The following PLEKHM2 variants were observed in gnomAD, a reference collection of about 807,000 sequenced individuals.
The protein encoded by PLEKHM2 is pleckstrin homology and RUN domain containing M2.
Under a neutral mutation model 116.3 loss-of-function variants are expected in PLEKHM2, and 77 were observed. That is an observed-to-expected ratio of 0.66 (90% CI 0.55 to 0.80). The LOEUF is 0.80. Ranked by LOEUF, PLEKHM2 falls within the 30% of genes least tolerant of loss-of-function variation. The probability of loss-of-function intolerance (pLI) is 0.00; values close to 1 mark genes in which losing one functional copy is unlikely to be tolerated. For missense variants in PLEKHM2, 1,183 were observed against 1,354.9 expected (o/e 0.87, Z 1.99); for synonymous variants, 562 against 571.0 (o/e 0.98, Z 0.22).
chr1:15,723,904 A>G (rs1571060373), intron 7 of PLEKHM2, among the ~76,000 whole-genome samples: 1 of 152,336 alleles, frequency 6.6e-6, no homozygotes, highest in South Asian at 2.1e-4. Flanking sequence ...GGCCAGCAAG[A>G]TGAGCATTGG....
At chr1:15,697,672 T>G (rs958776531) in intron 1 of PLEKHM2, among the ~76,000 whole-genome samples, 2 of 152,238 alleles carry the variant, frequency 1.3e-5, no homozygotes, top group African/African-American at 4.8e-5. Flanking sequence ...TGCATGTCTT[T>G]CTTTTTCTTG....
chr1:15,698,549 C>CTTTTTTTTTTT (rs564918055), intron 1 of PLEKHM2, among the ~76,000 whole-genome samples: 3 of 111,222 alleles, frequency 2.7e-5, no homozygotes, highest in South Asian at 2.7e-4. Context: ...TTCTTTCTTT[C>CTTTTTTTTTTT]TTTTTTTTTT....
intron 1 of PLEKHM2, among the ~76,000 whole-genome samples, chr1:15,714,264 A>G (rs1367114469): frequency 6.7e-6 from 1 of 150,088 alleles, no homozygotes; most frequent in East Asian, 2.0e-4. Context: ...TAATTAGAAC[A>G]TTGCACTAGA....
In PLEKHM2 at chr1:15,721,043, A is replaced by G; in HGVS notation, c.653-286A>G. 5.1e-6 allele frequency: 2 copies of G among 391,674 alleles called. No individual in the cohort carries two copies. The highest frequency in any genetic ancestry group is 9.1e-6 in the Non-Finnish European group (2 of 219,022). The allele number at this position is 391,674 out of a possible 1,614,324, so 24.3% of individuals were successfully genotyped here. A position where few individuals can be genotyped will look rare whatever the true frequency, so the allele number is the denominator to read the frequency against. On this transcript the variant is annotated intron_variant, in intron 6 of 19. Transcript: ENST00000375799. The surrounding 1 kb of genome is among the most constrained non-coding windows in gnomAD (Gnocchi z 5.1). The stretch of plus-strand genomic sequence containing the variant: ...TAAGAGGTAGAAAACAAAGCTAGGC[A>G]CAGGCAGCCAGGCTTCTCTCTGCCA...
intron 4 of PLEKHM2, 123 bp downstream of exon 4, chr1:15,718,115 C>A: frequency 2.9e-6 from 2 of 683,340 alleles, no homozygotes; most frequent in African/African-American, 1.8e-5. Flanking sequence ...GCCATTAGAA[C>A]CTTGCCAGTA....
chr1:15,708,228 TC>T (rs1316606436), intron 1 of PLEKHM2, among the ~76,000 whole-genome samples: 1 of 149,574 alleles, frequency 6.7e-6, no homozygotes, highest in Non-Finnish European at 1.5e-5. Context: ...TTTTCTTTTT[TC>T]TTTTTTTTTA....
rs1287169212 is a variant in PLEKHM2, at chr1:15,721,877, T to A, written c.712+489T>A. 6.6e-6 allele frequency among the ~76,000 whole-genome samples: 1 copy of A among 152,252 alleles called. No homozygotes were observed. The highest frequency in any genetic ancestry group is 2.4e-5 in the African/African-American group (1 of 41,458). On this transcript the variant is annotated intron_variant, in intron 7 of 19. Transcript: ENST00000375799. This position sits in a 1 kb window ranked among gnomAD's most constrained non-coding sequence, Gnocchi z 5.1. ...GTGGTTGAGGTCCAAGTCAGGAAAC[T>A]GCCCAGGTACAGCTGAAACTTCCTA...
At chr1:15,690,352 C>T (rs930932694) in intron 1 of PLEKHM2, among the ~76,000 whole-genome samples, 2 of 152,184 alleles carry the variant, frequency 1.3e-5, no homozygotes, top group Admixed American at 1.3e-4. Flanking sequence ...CCACTGCCTC[C>T]GGCTTCAGTG....
intron 3 of PLEKHM2, 50 bp from the exon 4 acceptor site, chr1:15,717,843 C>A: frequency 8.3e-7 from 1 of 1,200,942 alleles, no homozygotes; most frequent in Non-Finnish European, 1.2e-6. Context: ...CAAATAAAAG[C>A]CAGCAGTCTG....
chr1:15,728,015 TG>T lies in PLEKHM2; in HGVS notation c.1761-60del. Reference sequence around the variant, plus strand: ...GAGGCACTACCCCCTGGCTCTGGGGTGGGGTGTGGCCTCTCTCACCGCTGCC... The same window carrying T: ...GAGGCACTACCCCCTGGCTCTGGGGTGGGTGTGGCCTCTCTCACCGCTGCC... On this transcript the variant is annotated intron_variant, in intron 9 of 19. Transcript: ENST00000375799. This position sits in a 1 kb window ranked among gnomAD's most constrained non-coding sequence, Gnocchi z 5.9. 7.2e-7 allele frequency: 1 copy of T among 1,380,040 alleles called. No individual in the cohort carries two copies. Among genetic ancestry groups the T allele is most frequent in the Non-Finnish European group, 1.0e-6 (1 of 985,822 alleles). The allele number at this position is 1,380,040 out of a possible 1,614,324, so 85.5% of individuals were successfully genotyped here. A position where few individuals can be genotyped will look rare whatever the true frequency, so the allele number is the denominator to read the frequency against.
At chr1:15,686,567 A>T (rs1192482247) in intron 1 of PLEKHM2, among the ~76,000 whole-genome samples, 1 of 146,590 alleles carries the variant, frequency 6.8e-6, no homozygotes, top group Non-Finnish European at 1.5e-5. Flanking sequence ...TACAACCTCC[A>T]CCTCCCAGGT....
Position 15,727,995 on chromosome 1 carries a change from A to C in PLEKHM2, c.1761-84A>C. 1 of 1,272,406 alleles carries C rather than the reference A, an allele frequency of 7.9e-7. No individual in the cohort carries two copies. The highest frequency in any genetic ancestry group is 1.1e-6 in the Non-Finnish European group (1 of 890,324). The allele number at this position is 1,272,406 out of a possible 1,614,324, so 78.8% of individuals were successfully genotyped here. A position where few individuals can be genotyped will look rare whatever the true frequency, so the allele number is the denominator to read the frequency against. ...TTGGCTCCTAGTGGGAGGCGGAGGC[A>C]CTACCCCCTGGCTCTGGGGTGGGGT... On this transcript the variant is annotated intron_variant, in intron 9 of 19. Coordinates refer to ENST00000375799, the MANE Select transcript of PLEKHM2 (RefSeq NM_015164.4). This position sits in a 1 kb window ranked among gnomAD's most constrained non-coding sequence, Gnocchi z 7.5.
chr1:15,688,666 AAGG>A (rs1640824145), intron 1 of PLEKHM2, among the ~76,000 whole-genome samples: 1 of 151,854 alleles, frequency 6.6e-6, no homozygotes, highest in African/African-American at 2.4e-5. Context: ...AAAAAAAAAA[AAGG>A]AAATGATAAC....
Position 15,729,857 on chromosome 1 carries a change from C to G in PLEKHM2, c.2136C>G (p.Pro712=), listed in dbSNP as rs2068115008. The G allele has an allele frequency of 6.2e-7, 1 of 1,613,070 alleles. No individual in the cohort carries two copies. ...MIKGCREPPY[P]SILTDATMEK... is the part of the protein sequence containing the mutation. ...AAGGCTGTCGAGAACCTCCCTACCC[C>G]AGCATCCTGACGGATGCCACCATGG... Residue 712 remains proline, a synonymous_variant, in exon 14 of 20, where the codon CCC becomes CCG. Transcript: ENST00000375799. The surrounding 1 kb of genome is among the most constrained non-coding windows in gnomAD (Gnocchi z 4.7).
chr1:15,719,901 G>C lies in PLEKHM2; in HGVS notation c.633G>C (p.Ala211=), dbSNP rs184585762. 7.4e-6 allele frequency: 12 copies of C among 1,613,204 alleles called. No homozygotes were observed. Among genetic ancestry groups the C allele is most frequent in the Non-Finnish European group, 8.5e-6 (10 of 1,179,516 alleles). Residue 211 remains alanine, a synonymous_variant, in exon 6 of 20, where the codon GCG becomes GCC. Transcript: ENST00000375799. The surrounding 1 kb of genome is among the most constrained non-coding windows in gnomAD (Gnocchi z 4.1). ...CCAACCTGGAGTGGGATGACAGTGC[G>C]ATTGCCCCATCTAGTGAGGGTGAGT... The part of the protein sequence containing the change: ...TSTNLEWDDS[A]IAPSSEDYDF...
intron 1 of PLEKHM2, among the ~76,000 whole-genome samples, chr1:15,709,671 G>A (rs763740303): frequency 8.5e-5 from 13 of 152,122 alleles, no homozygotes; most frequent in Non-Finnish European, 5.9e-5. Context: ...CTCCACCACC[G>A]TGGCATATAC....
chr1:15,723,720 G>C (rs979038760), intron 7 of PLEKHM2, among the ~76,000 whole-genome samples: 2 of 139,940 alleles, frequency 1.4e-5, no homozygotes, highest in African/African-American at 2.8e-5. Flanking sequence ...GCTCCAGTCC[G>C]AGCGACACAG....
At chr1:15,717,529 C>T (rs1000395880) in intron 3 of PLEKHM2, among the ~76,000 whole-genome samples, 3 of 152,198 alleles carry the variant, frequency 2.0e-5, no homozygotes, top group South Asian at 2.1e-4. Context: ...AGAAAGAGGG[C>T]GAGCTGCCAG....
chr1:15,685,956 GA>G (rs1252150253), intron 1 of PLEKHM2, among the ~76,000 whole-genome samples: 2 of 152,318 alleles, frequency 1.3e-5, no homozygotes, highest in African/African-American at 4.8e-5. Context: ...TTTCCTAATG[GA>G]AGAGAAAGGA....
Sources: allele counts gnomAD v4.1 joint callset (sites outside exome capture counted in the v4.1 genomes callset), GRCh38; gene constraint gnomAD v4.1.1; non-coding constraint Gnocchi (gnomAD v3.1); transcripts MANE v1.5; gene names NCBI Gene and HGNC (gene_info 2026-07-23, HGNC 2026-07-21).